The following ITM2B variants were observed in gnomAD, a reference collection of about 807,000 sequenced individuals.
ITM2B encodes the protein integral membrane protein 2B, also known as ABri/ADan amyloid peptide.
A neutral mutation model predicts 27.8 loss-of-function variants in ITM2B; 11 were observed. The ratio of observed to expected loss-of-function variants is 0.40; its 90% CI spans 0.25 to 0.66. The LOEUF is 0.66. Among genes scored for constraint, ITM2B ranks in the 30% least tolerant of loss-of-function variants. The probability of loss-of-function intolerance (pLI) is 0.43; values close to 1 mark genes in which losing one functional copy is unlikely to be tolerated. For synonymous variants in ITM2B, 114 were observed against 114.3 expected, an observed-to-expected ratio of 1.00 and a Z score of 0.02; for missense variants, 296 against 328.9, an observed-to-expected ratio of 0.90 and a Z score of 0.77.
At chr13:48,256,435 C>G (rs774433204) in intron 3 of ITM2B, 52 bp downstream of exon 3, 2 of 1,325,990 alleles carry the variant, frequency 1.5e-6, no homozygotes, top group Non-Finnish European at 2.2e-6. Flanking sequence ...GTAGTTTATG[C>G]TTTTTGTAGT....
chr13:48,258,306 T>C, intron 4 of ITM2B, 70 bp downstream of exon 4: 8 of 840,676 alleles, frequency 9.5e-6, no homozygotes, highest in Admixed American at 1.7e-5. Flanking sequence ...GTTGAGAAAT[T>C]AGCCCTATAG....
At position 48,267,058 on chromosome 13, in the gene ITM2B, G is replaced by C. The variant is rs1159713410; in HGVS notation, c.*5834G>C. On this transcript the variant is annotated 3_prime_UTR_variant, in exon 6 of 6. Transcript: ENST00000647800. ...AGGATGCCATTTGTATTTAGTAGAT[G>C]AGGCCAGGCAGGATGCTAAATGTCT... 2 of 152,172 alleles carry C rather than the reference G, an allele frequency of 1.3e-5. No individual in the cohort carries two copies. Among genetic ancestry groups the C allele is most frequent in the Non-Finnish European group, 2.9e-5 (2 of 68,026 alleles). 9.4% of individuals were successfully genotyped at this position (152,172 alleles called of 1,614,324 possible). A position where few individuals can be genotyped will look rare whatever the true frequency, so the allele number is the denominator to read the frequency against.
chr13:48,256,590 C>T (rs1020713254), intron 3 of ITM2B, among the ~76,000 whole-genome samples: 11 of 152,206 alleles, frequency 7.2e-5, no homozygotes, highest in African/African-American at 2.4e-4. Context: ...GCCTTACCTA[C>T]TCTTAAAGCC....
chr13:48,250,236 T>C (rs1258910401), intron 1 of ITM2B, among the ~76,000 whole-genome samples: 2 of 152,212 alleles, frequency 1.3e-5, no homozygotes, highest in Non-Finnish European at 2.9e-5. Context: ...TGAATTATGT[T>C]GCATCTCTCC....
chr13:48,247,348 T>A (rs921019774), intron 1 of ITM2B, among the ~76,000 whole-genome samples: 6 of 152,326 alleles, frequency 3.9e-5, no homozygotes, highest in African/African-American at 1.4e-4. Flanking sequence ...GGTTCTTTTT[T>A]TATGTATATT....
At chr13:48,247,025 A>G (rs968973905) in intron 1 of ITM2B, among the ~76,000 whole-genome samples, 5 of 152,092 alleles carry the variant, frequency 3.3e-5, no homozygotes, top group African/African-American at 1.2e-4. Context: ...GACGGGTTTC[A>G]CCATGTTGGC....
intron 1 of ITM2B, among the ~76,000 whole-genome samples, chr13:48,240,073 CT>C (rs1158756500): frequency 6.6e-6 from 1 of 152,146 alleles, no homozygotes; most frequent in African/African-American, 2.4e-5. Flanking sequence ...ACTTTGATAC[CT>C]TGGGTAAGTT....
Position 48,245,916 on chromosome 13 carries a change from C to G in ITM2B, c.118-7892C>G, listed in dbSNP as rs181551911. ...GCCTCAGCCTCCCGAGTAGCTGGGA[C>G]TACAGGCGCCTGCCACCACCCCTGG... On this transcript the variant is annotated intron_variant, in intron 1 of 5. Transcript: ENST00000647800. Among the ~76,000 whole-genome samples the G allele has an allele frequency of 1.1e-3, 173 of 151,900 alleles. 1 individual carries two copies. The South Asian group carries it at 0.018, about 15-fold the overall frequency.
intron 1 of ITM2B, among the ~76,000 whole-genome samples, chr13:48,234,372 C>T (rs1951654766): frequency 6.6e-6 from 1 of 152,032 alleles, no homozygotes; most frequent in Non-Finnish European, 1.5e-5. Context: ...GTTAAAAAAG[C>T]CCACAGCCTC....
intron 5 of ITM2B, among the ~76,000 whole-genome samples, chr13:48,260,918 A>G (rs1013131068): frequency 1.3e-5 from 2 of 152,178 alleles, no homozygotes; most frequent in African/African-American, 2.4e-5. Flanking sequence ...AGCAGTCTGG[A>G]TAGCATTATT....
At chr13:48,255,250 TGTGTGCGCGCGCGTGTGC>T (rs934341822) in intron 2 of ITM2B, among the ~76,000 whole-genome samples, 4 of 129,206 alleles carry the variant, frequency 3.1e-5, no homozygotes, top group African/African-American at 1.3e-4. Flanking sequence ...TGTGTGTGTG[TGTGTGCGCGCGCGTGTGC>T]GTGCGCGCAC....
chr13:48,254,021 C>T (rs947859629), intron 2 of ITM2B, 85 bp downstream of exon 2: 19 of 1,338,068 alleles, frequency 1.4e-5, no homozygotes, highest in Middle Eastern at 2.2e-4. Context: ...TTACAACTTG[C>T]GCTAAGCTTG....
At chr13:48,247,408 C>A (rs904783009) in intron 1 of ITM2B, among the ~76,000 whole-genome samples, 1 of 151,932 alleles carries the variant, frequency 6.6e-6, no homozygotes, top group African/African-American at 2.4e-5. Context: ...TCATTAGTAT[C>A]CTGATTCCTA....
intron 4 of ITM2B, 62 bp downstream of exon 4, chr13:48,258,298 T>G (rs1308572718): frequency 1.0e-5 from 9 of 901,886 alleles, no homozygotes; most frequent in Admixed American, 8.5e-5. Context: ...AATTCCCTGT[T>G]GAGAAATTAG....
At chr13:48,258,693 C>A in intron 4 of ITM2B, 104 bp from the exon 5 acceptor site, 1 of 1,055,774 alleles carries the variant, frequency 9.5e-7, no homozygotes, top group Non-Finnish European at 1.5e-6. Flanking sequence ...AGTAGTTTGG[C>A]AACCTGTTCC....
Position 48,262,312 on chromosome 13 carries a change from T to TCATTTC in ITM2B, c.*1089_*1094dup, listed in dbSNP as rs1951827483. 1 of 152,138 alleles carries TCATTTC rather than the reference T, an allele frequency of 6.6e-6. No homozygotes were observed. The highest frequency in any genetic ancestry group is 1.5e-5 in the Non-Finnish European group (1 of 68,018). 9.4% of individuals were successfully genotyped at this position (152,138 alleles called of 1,614,324 possible). On this transcript the variant is annotated 3_prime_UTR_variant, in exon 6 of 6. Transcript: ENST00000647800. ...CCCCATTTAATAAAATACCTATGATTCATTTCACCTCAAGTTCCTAAGACA... is the reference window on the plus strand; with the variant it reads ...CCCCATTTAATAAAATACCTATGATTCATTTCCATTTCACCTCAAGTTCCTAAGACA...
In ITM2B at chr13:48,260,687, C is replaced by T. The variant is rs147691921; in HGVS notation, c.716-452C>T. Among the ~76,000 whole-genome samples, 3 of 152,272 alleles carry T rather than the reference C, an allele frequency of 2.0e-5. No homozygotes were observed. In the East Asian group the frequency reaches 5.8e-4, roughly 29 times the overall value. ...ATGGCCTCCAGCTGTATCCATACTG[C>T]TGCAAAGGACATGATTTCTTTTTTA... On this transcript the variant is annotated intron_variant, in intron 5 of 5. Transcript: ENST00000647800.
chr13:48,238,302 A>T (rs1951680316), intron 1 of ITM2B, among the ~76,000 whole-genome samples: 2 of 152,324 alleles, frequency 1.3e-5, no homozygotes, highest in African/African-American at 4.8e-5. Context: ...GTTATCAACA[A>T]TTGAATGAAC....
chr13:48,243,595 G>A (rs751352328), intron 1 of ITM2B, among the ~76,000 whole-genome samples: 43 of 152,072 alleles, frequency 2.8e-4, no homozygotes, highest in Non-Finnish European at 4.9e-4. Flanking sequence ...TTGGGAGGCT[G>A]AGGCAGGAGA....
Sources: gnomAD v4.1 joint callset for allele counts (sites outside exome capture counted in the v4.1 genomes callset) on GRCh38, gnomAD v4.1.1 for gene constraint, MANE v1.5 for transcripts, NCBI Gene and HGNC (gene_info 2026-07-23, HGNC 2026-07-21) for gene names.